The following AKT2 variants were observed in gnomAD, a reference collection of about 807,000 sequenced individuals.
AKT2 encodes the protein AKT serine/threonine kinase 2, also known as RAC-beta serine/threonine-protein kinase.
Under a neutral mutation model 58.6 loss-of-function variants are expected in AKT2, and 16 were observed. The observed-to-expected ratio is 0.27, with a 90% confidence interval of 0.18 to 0.41. The LOEUF (loss-of-function observed/expected upper bound fraction) is 0.41, where lower values mean the gene tolerates loss of function less well. Among genes scored for constraint, AKT2 ranks in the 10% least tolerant of loss-of-function variants. The pLI is 1.00. For synonymous variants in AKT2, 253 were observed against 254.0 expected (o/e 1.00, Z 0.04); for missense variants, 438 against 661.0 (o/e 0.66, Z 3.70).
intron 1 of AKT2, among the ~76,000 whole-genome samples, chr19:40,270,188 C>A (rs980613095): frequency 6.6e-6 from 1 of 152,224 alleles, no homozygotes; most frequent in African/African-American, 2.4e-5. Flanking sequence ...CTCCCCTTAC[C>A]CTTACCCTTC....
chr19:40,260,628 CAAAAAA>C (rs34124347), intron 2 of AKT2, among the ~76,000 whole-genome samples: 1 of 25,002 alleles, frequency 4.0e-5, no homozygotes, highest in South Asian at 2.4e-3. Context: ...GATTCCATCT[CAAAAAA>C]AAAAAAAAAA....
intron 1 of AKT2, among the ~76,000 whole-genome samples, chr19:40,278,774 G>T (rs535370073): frequency 2.2e-4 from 34 of 152,038 alleles, no homozygotes; most frequent in African/African-American, 8.2e-4. Context: ...TTCCAACGCA[G>T]CAGCTCCGTG....
chr19:40,283,487 C>G (rs1311855168), intron 1 of AKT2, among the ~76,000 whole-genome samples: 1 of 152,230 alleles, frequency 6.6e-6, no homozygotes, highest in African/African-American at 2.4e-5. Context: ...GGAAGCCAGT[C>G]AGCTTGGAAG....
At chr19:40,263,508 C>T (rs151056590) in intron 2 of AKT2, among the ~76,000 whole-genome samples, 43 of 152,300 alleles carry the variant, frequency 2.8e-4, no homozygotes, top group African/African-American at 9.4e-4. Context: ...CTCACAGTTG[C>T]ACTAAGAGGA....
chr19:40,277,887 C>T (rs763515014), intron 1 of AKT2, among the ~76,000 whole-genome samples: 2 of 152,228 alleles, frequency 1.3e-5, no homozygotes, highest in Non-Finnish European at 2.9e-5. Flanking sequence ...ATGGAACACA[C>T]AAATGACCAA....
chr19:40,235,812 G>A lies in AKT2; in HGVS notation c.1175+78C>T. 1.4e-6 allele frequency: 2 copies of A among 1,432,880 alleles called. No individual in the cohort carries two copies. The highest frequency in any genetic ancestry group is 9.4e-7 in the Non-Finnish European group (1 of 1,061,370). The allele number at this position is 1,432,880 out of a possible 1,614,324, so 88.8% of individuals were successfully genotyped here. ...CGACCCTACAAGCGAGCACCCTTGT[G>A]GACGCTGCCCCCTCCAGGCCGCAGG... On this transcript the variant is annotated intron_variant, in intron 11 of 13. Transcript: ENST00000392038. This position sits in a 1 kb window ranked among gnomAD's most constrained non-coding sequence, Gnocchi z 6.3.
intron 1 of AKT2, among the ~76,000 whole-genome samples, chr19:40,281,889 T>A (rs2077430209): frequency 6.6e-6 from 1 of 152,168 alleles, no homozygotes; most frequent in South Asian, 2.1e-4. Flanking sequence ...CACAAATTAA[T>A]CCACTCAGCC....
chr19:40,269,210 C>G (rs1381419054), intron 1 of AKT2: 2 of 152,306 alleles, frequency 1.3e-5, no homozygotes, highest in Non-Finnish European at 2.9e-5. Context: ...ATAGCACGCC[C>G]TGCGGAGGGG....
At chr19:40,255,021 G>A (rs542183802) in intron 4 of AKT2, 137 bp downstream of exon 4, 3 of 698,136 alleles carry the variant, frequency 4.3e-6, no homozygotes, top group African/African-American at 1.8e-5. Context: ...AGCCCCAGCT[G>A]GAGAGACCCC....
At chr19:40,258,022 G>T (rs1361454506) in intron 2 of AKT2, among the ~76,000 whole-genome samples, 2 of 151,778 alleles carry the variant, frequency 1.3e-5, no homozygotes, top group African/African-American at 4.8e-5. Context: ...CGAGGCGAGC[G>T]GATCACCTGA....
At chr19:40,244,899 G>T (rs1433693343) in intron 4 of AKT2, among the ~76,000 whole-genome samples, 1 of 152,192 alleles carries the variant, frequency 6.6e-6, no homozygotes, top group Non-Finnish European at 1.5e-5. Flanking sequence ...TTCCTCCCCA[G>T]TCTCGTTTCC....
intron 2 of AKT2, among the ~76,000 whole-genome samples, chr19:40,262,260 C>T (rs1976018686): frequency 6.6e-6 from 1 of 150,438 alleles, no homozygotes; most frequent in Admixed American, 6.6e-5. Context: ...AAAAAAAAGA[C>T]AAAAAACAGG....
intron 4 of AKT2, among the ~76,000 whole-genome samples, chr19:40,249,690 GGA>G (rs1975005961): frequency 6.6e-6 from 1 of 152,222 alleles, no homozygotes; most frequent in South Asian, 2.1e-4. Context: ...TGCCTTGTGA[GGA>G]GAAAATAAAT....
intron 7 of AKT2, 69 bp from the exon 8 acceptor site, chr19:40,239,042 G>T: frequency 6.7e-7 from 1 of 1,500,142 alleles, no homozygotes; most frequent in Non-Finnish European, 9.2e-7. Flanking sequence ...GCCAGGGCAG[G>T]GCCCTGGCCC....
Position 40,269,254 on chromosome 19 carries a change from C to A in AKT2, c.-84-3903G>T, listed in dbSNP as rs76408622. On this transcript the variant is annotated intron_variant, in intron 1 of 13. Transcript: ENST00000392038. ...CACGGCCCCACCACACTCATTACTTCCTAAGGTTCCTGGGCATGAGTCTTC... is the reference window on the plus strand; with the variant it reads ...CACGGCCCCACCACACTCATTACTTACTAAGGTTCCTGGGCATGAGTCTTC... Among the ~76,000 whole-genome samples the A allele has an allele frequency of 8.3e-3, 1,257 of 152,258 alleles. 17 individuals carry two copies. The highest frequency in any genetic ancestry group is 0.023 in the Admixed American group (352 of 15,282).
At position 40,232,600 on chromosome 19, in the gene AKT2, A is replaced by G; in HGVS notation, c.*1272T>C. On this transcript the variant is annotated 3_prime_UTR_variant, in exon 14 of 14. Transcript: ENST00000392038. ...GAGGCGTGGGCAGGGCAGCTCATGG[A>G]TCACAGTGGGGCTCCTCCCACTAGG... 1 of 233,172 alleles carries G rather than the reference A, an allele frequency of 4.3e-6. No homozygotes were observed. The allele number at this position is 233,172 out of a possible 1,614,324, so 14.4% of individuals were successfully genotyped here.
chr19:40,257,372 C>A (rs1023545571), intron 2 of AKT2, among the ~76,000 whole-genome samples: 21 of 152,316 alleles, frequency 1.4e-4, no homozygotes, highest in African/African-American at 4.3e-4. Context: ...TGGCCTAGTC[C>A]CAGGGGAGGC....
At chr19:40,271,426 C>CA (rs60327122) in intron 1 of AKT2, among the ~76,000 whole-genome samples, 5,223 of 68,194 alleles carry the variant, frequency 0.077, 198 homozygotes, top group African/African-American at 0.13. Flanking sequence ...GACCCTGTCT[C>CA]AAAAAAAAAA....
At chr19:40,253,647 T>C (rs766374285) in intron 4 of AKT2, among the ~76,000 whole-genome samples, 2 of 152,124 alleles carry the variant, frequency 1.3e-5, no homozygotes, top group Non-Finnish European at 2.9e-5. Flanking sequence ...AATAGAAACA[T>C]CGCAAAACCA....
Sources: allele counts gnomAD v4.1 joint callset (sites outside exome capture counted in the v4.1 genomes callset), GRCh38; gene constraint gnomAD v4.1.1; non-coding constraint Gnocchi (gnomAD v3.1); transcripts MANE v1.5; gene names NCBI Gene and HGNC (gene_info 2026-07-23, HGNC 2026-07-21).